Variants in GPC5 observed in about 807,000 individuals in gnomAD.
GPC5 encodes the protein glypican 5, also known as glypican-5.
A neutral mutation model predicts 53.9 loss-of-function variants in GPC5; 47 were observed. The ratio of observed to expected loss-of-function variants is 0.87; its 90% confidence interval spans 0.69 to 1.11. The LOEUF is 1.11. Ranked by LOEUF, GPC5 falls within the 50% of genes most tolerant of loss-of-function variation. The probability of loss-of-function intolerance (pLI) is 0.00; values close to 1 mark genes in which losing one functional copy is unlikely to be tolerated. For synonymous variants in GPC5, 286 were observed against 263.3 expected, an observed-to-expected ratio of 1.09 and a Z score of -0.84; for missense variants, 748 against 713.1, an observed-to-expected ratio of 1.05 and a Z score of -0.56.
chr13:92,790,889 AAAAAAT>A (rs1206127271), intron 7 of GPC5, among the ~76,000 whole-genome samples: 2 of 152,132 alleles, frequency 1.3e-5, no homozygotes, highest in Non-Finnish European at 2.9e-5. Context: ...TGGATTTGTT[AAAAAAT>A]AAAAATAAGA....
At chr13:92,324,522 T>C (rs1244228250) in intron 7 of GPC5, among the ~76,000 whole-genome samples, 1 of 151,940 alleles carries the variant, frequency 6.6e-6, no homozygotes, top group Non-Finnish European at 1.5e-5. Flanking sequence ...TGAGAGTATC[T>C]TAACAGAAAA....
chr13:92,857,094 A>G (rs1879025139), intron 7 of GPC5, among the ~76,000 whole-genome samples: 1 of 152,168 alleles, frequency 6.6e-6, no homozygotes. Flanking sequence ...TACAGTAACA[A>G]AAACAGCATG....
intron 7 of GPC5, among the ~76,000 whole-genome samples, chr13:92,762,623 A>T (rs538189417): frequency 2.4e-4 from 37 of 152,196 alleles, no homozygotes; most frequent in Non-Finnish European, 4.4e-4. Context: ...CTCTTCCAAG[A>T]CTTTGGAAGA....
chr13:92,507,013 C>G (rs1880392989), intron 7 of GPC5, among the ~76,000 whole-genome samples: 1 of 152,192 alleles, frequency 6.6e-6, no homozygotes, highest in Non-Finnish European at 1.5e-5. Flanking sequence ...TATGTGATTC[C>G]CTAAATCTAT....
In GPC5 at chr13:91,776,781, G is replaced by GT. The variant is rs756794032; in HGVS notation, c.1280+20362dup. ...AAACAGCACAGTCACTGTGTACACT[G>GT]TAAGTATGAATATTTTTCAAATGTC... On this transcript the variant is annotated intron_variant, in intron 5 of 7. Coordinates refer to ENST00000377067, the MANE Select transcript of GPC5 (RefSeq NM_004466.6). Among the ~76,000 whole-genome samples, 9 of 152,282 alleles carry GT rather than the reference G, an allele frequency of 5.9e-5. No homozygotes were observed. In the East Asian group the frequency reaches 1.5e-3, roughly 26 times the overall value.
chr13:91,728,735 A>G (rs974043617), intron 4 of GPC5, 70 bp downstream of exon 4: 148 of 1,432,928 alleles, frequency 1.0e-4, no homozygotes, highest in African/African-American at 1.3e-4. Context: ...AGAATAGAAC[A>G]TATTCAATTA....
intron 7 of GPC5, among the ~76,000 whole-genome samples, chr13:92,330,659 T>C (rs957422780): frequency 2.0e-5 from 3 of 152,212 alleles, no homozygotes; most frequent in South Asian, 2.1e-4. Context: ...AACATATTTA[T>C]GTATTACTTT....
At chr13:92,795,602 A>G (rs1056715022) in intron 7 of GPC5, among the ~76,000 whole-genome samples, 5 of 152,174 alleles carry the variant, frequency 3.3e-5, no homozygotes, top group Non-Finnish European at 7.3e-5. Context: ...AACCTACAGA[A>G]TGGGAGAAAA....
chr13:92,043,236 T>G (rs1253793220), intron 6 of GPC5, among the ~76,000 whole-genome samples: 2 of 152,184 alleles, frequency 1.3e-5, no homozygotes, highest in African/African-American at 2.4e-5. Flanking sequence ...AAGGAGCACA[T>G]ATGACAGTCA....
intron 7 of GPC5, among the ~76,000 whole-genome samples, chr13:92,788,751 G>A (rs1430347450): frequency 1.3e-5 from 2 of 152,156 alleles, no homozygotes; most frequent in African/African-American, 4.8e-5. Flanking sequence ...AAAAGTTTAA[G>A]GAAAGGGAGC....
intron 7 of GPC5, among the ~76,000 whole-genome samples, chr13:92,424,644 C>T (rs1480344939): frequency 7.4e-6 from 1 of 135,208 alleles, no homozygotes; most frequent in Non-Finnish European, 1.5e-5. Context: ...GACTTGATCT[C>T]TGTATTTTTT....
chr13:92,348,086 C>T (rs1231583981), intron 7 of GPC5, among the ~76,000 whole-genome samples: 1 of 137,372 alleles, frequency 7.3e-6, no homozygotes, highest in Admixed American at 7.6e-5. Flanking sequence ...ACAAAACAAC[C>T]AGAAAACAAT....
chr13:92,218,650 A>C (rs1303703056), intron 7 of GPC5, among the ~76,000 whole-genome samples: 3 of 152,142 alleles, frequency 2.0e-5, no homozygotes, highest in African/African-American at 7.2e-5. Context: ...CACTAGAAAA[A>C]TTTGGTGCTG....
chr13:91,572,160 C>CACATATGTATATATACGTGTGTATAT (rs2031923881), intron 2 of GPC5, among the ~76,000 whole-genome samples: 10 of 111,134 alleles, frequency 9.0e-5, no homozygotes, highest in African/African-American at 3.7e-4. Context: ...CGTGTGTATA[C>CACATATGTATATATACGTGTGTATAT]ACACACATAT....
intron 7 of GPC5, among the ~76,000 whole-genome samples, chr13:92,392,649 AT>A (rs1244826861): frequency 1.8e-4 from 27 of 152,326 alleles, no homozygotes; most frequent in Admixed American, 5.2e-4. Flanking sequence ...TTTGCAAACT[AT>A]GCATCTGACA....
intron 7 of GPC5, among the ~76,000 whole-genome samples, chr13:92,543,366 T>C (rs1285527501): frequency 6.6e-6 from 1 of 152,130 alleles, no homozygotes; most frequent in Non-Finnish European, 1.5e-5. Flanking sequence ...TCTGATTTTG[T>C]TGAATTGTCT....
chr13:92,397,327 A>G (rs555689456), intron 7 of GPC5, among the ~76,000 whole-genome samples: 1 of 152,216 alleles, frequency 6.6e-6, no homozygotes, highest in African/African-American at 2.4e-5. Flanking sequence ...ATGAGATTTG[A>G]TGGTTTCATA....
At chr13:91,781,187 G>T (rs2037793544) in intron 5 of GPC5, among the ~76,000 whole-genome samples, 1 of 152,140 alleles carries the variant, frequency 6.6e-6, no homozygotes, top group South Asian at 2.1e-4. Context: ...TGACTTTGTT[G>T]TTCAGCTTGA....
At chr13:92,127,938 C>T (rs1283330749) in intron 6 of GPC5, among the ~76,000 whole-genome samples, 4 of 152,148 alleles carry the variant, frequency 2.6e-5, no homozygotes. Flanking sequence ...TTTGAGTCAA[C>T]AAAATTTCAC....
Sources: allele counts gnomAD v4.1 joint callset (sites outside exome capture counted in the v4.1 genomes callset), GRCh38; gene constraint gnomAD v4.1.1; transcripts MANE v1.5; gene names NCBI Gene and HGNC (gene_info 2026-07-23, HGNC 2026-07-21).